The following ADAMTSL1 variants were observed in gnomAD, a reference collection of about 807,000 sequenced individuals.
The protein encoded by ADAMTSL1 is ADAMTS like 1, also known as ADAMTS-like protein 1.
A neutral mutation model predicts 201.8 loss-of-function variants in ADAMTSL1; 126 were observed. The observed-to-expected ratio is 0.62, with a 90% CI of 0.54 to 0.72. The LOEUF is 0.72. Ranked by LOEUF, ADAMTSL1 falls within the 30% of genes least tolerant of loss-of-function variation. ADAMTSL1 has a pLI of 0.00. For missense variants in ADAMTSL1, 2,679 were observed against 2,277.8 expected, an observed-to-expected ratio of 1.18 and a Z score of -3.59; for synonymous variants, 1,121 against 903.4, an observed-to-expected ratio of 1.24 and a Z score of -4.32.
At chr9:18,241,102 T>A (rs1831044579) in intron 2 of ADAMTSL1, among the ~76,000 whole-genome samples, 1 of 152,182 alleles carries the variant, frequency 6.6e-6, no homozygotes, top group South Asian at 2.1e-4. Flanking sequence ...CATTTTTAAT[T>A]TCCTTCAAGA....
At chr9:17,934,525 T>C (rs1826923645) in intron 1 of ADAMTSL1, among the ~76,000 whole-genome samples, 1 of 152,182 alleles carries the variant, frequency 6.6e-6, no homozygotes, top group African/African-American at 2.4e-5. Flanking sequence ...TTTTGATTCA[T>C]GACCACTGTC....
intron 4 of ADAMTSL1, among the ~76,000 whole-genome samples, chr9:18,581,204 C>T (rs911932031): frequency 6.6e-6 from 1 of 152,082 alleles, no homozygotes; most frequent in African/African-American, 2.4e-5. Flanking sequence ...TAATCTCTGC[C>T]TCTGTTATCA....
chr9:18,640,343 T>A (rs995863134), intron 7 of ADAMTSL1, among the ~76,000 whole-genome samples: 1 of 152,148 alleles, frequency 6.6e-6, no homozygotes, highest in Non-Finnish European at 1.5e-5. Context: ...AGTTAAATGA[T>A]TTCTGTTAAG....
chr9:18,224,175 C>T (rs533765909), intron 2 of ADAMTSL1, among the ~76,000 whole-genome samples: 17 of 152,174 alleles, frequency 1.1e-4, no homozygotes, highest in African/African-American at 3.6e-4. Flanking sequence ...TAAGAGAATA[C>T]CACAAATGGA....
At chr9:18,890,241 C>T (rs764639309) in intron 25 of ADAMTSL1, among the ~76,000 whole-genome samples, 3 of 152,216 alleles carry the variant, frequency 2.0e-5, no homozygotes, top group Non-Finnish European at 2.9e-5. Context: ...CAAAGGCTTG[C>T]GTCTCACTAA....
At chr9:17,977,480 TG>T (rs1226713766) in intron 1 of ADAMTSL1, among the ~76,000 whole-genome samples, 1 of 152,148 alleles carries the variant, frequency 6.6e-6, no homozygotes. Context: ...TACTCATTAT[TG>T]GTTTGTTCAG....
rs181356928 is a variant in ADAMTSL1, at chr9:18,513,738, C to G, written c.191+8782C>G. 1.1e-4 allele frequency among the ~76,000 whole-genome samples: 16 copies of G among 152,256 alleles called. 1 individual carries two copies. In the East Asian group the frequency reaches 2.1e-3, roughly 20 times the overall value. ...TATCCAGTTTTCCCAGCACCTTTCC[C>G]CATTGTGTATTCTTGGAACCTTTGT... On this transcript the variant is annotated intron_variant, in intron 2 of 28. Coordinates refer to ENST00000380548, the MANE Select transcript of ADAMTSL1 (RefSeq NM_001040272.6).
At chr9:18,397,591 C>A (rs1429739863) in intron 2 of ADAMTSL1, among the ~76,000 whole-genome samples, 2 of 152,044 alleles carry the variant, frequency 1.3e-5, no homozygotes, top group Non-Finnish European at 2.9e-5. Flanking sequence ...AAACTTCTCC[C>A]CTGATTATTT....
intron 2 of ADAMTSL1, among the ~76,000 whole-genome samples, chr9:18,359,803 G>C (rs1410489342): frequency 7.2e-6 from 1 of 138,340 alleles, no homozygotes; most frequent in Non-Finnish European, 1.5e-5. Flanking sequence ...CATTCAGCAG[G>C]GTTAATGCCC....
intron 2 of ADAMTSL1, among the ~76,000 whole-genome samples, chr9:18,334,987 C>G (rs1474476414): frequency 6.6e-6 from 1 of 151,998 alleles, no homozygotes; most frequent in Non-Finnish European, 1.5e-5. Context: ...ATCATATAAA[C>G]TTGAAGAATT....
At chr9:18,725,068 G>A (rs1203524571) in intron 15 of ADAMTSL1, among the ~76,000 whole-genome samples, 1 of 152,036 alleles carries the variant, frequency 6.6e-6, no homozygotes, top group Non-Finnish European at 1.5e-5. Context: ...CACCACGCCT[G>A]GCTAATATTT....
At chr9:18,705,198 T>A (rs1020551604) in intron 13 of ADAMTSL1, among the ~76,000 whole-genome samples, 1 of 152,190 alleles carries the variant, frequency 6.6e-6, no homozygotes, top group South Asian at 2.1e-4. Flanking sequence ...GCTATAACCT[T>A]CTTATCAGTT....
chr9:18,104,661 G>A (rs1400076653), intron 1 of ADAMTSL1, among the ~76,000 whole-genome samples: 3 of 152,056 alleles, frequency 2.0e-5, no homozygotes, highest in Admixed American at 6.5e-5. Flanking sequence ...TCAGGTGATG[G>A]GCGCACTAAA....
At chr9:18,244,741 C>G (rs533389646) in intron 2 of ADAMTSL1, among the ~76,000 whole-genome samples, 7 of 152,258 alleles carry the variant, frequency 4.6e-5, no homozygotes, top group African/African-American at 1.7e-4. Context: ...ATGCTGTGCA[C>G]AAACTAGGTC....
intron 2 of ADAMTSL1, among the ~76,000 whole-genome samples, chr9:18,411,174 ATTTATTTATTTATTTATTTATT>A (rs1818426815): frequency 6.8e-6 from 1 of 146,822 alleles, no homozygotes; most frequent in South Asian, 2.1e-4. Flanking sequence ...TTATTTATTT[ATTTATTTATTTATTTATTTATT>A]TTTATTTATT....
At chr9:18,076,082 G>T (rs1823211601) in intron 1 of ADAMTSL1, among the ~76,000 whole-genome samples, 1 of 152,126 alleles carries the variant, frequency 6.6e-6, no homozygotes, top group African/African-American at 2.4e-5. Context: ...TTCCTGTTTG[G>T]TTTCTCTAAA....
At chr9:18,072,009 C>T (rs115592629) in intron 1 of ADAMTSL1, among the ~76,000 whole-genome samples, 1 of 152,280 alleles carries the variant, frequency 6.6e-6, no homozygotes, top group Non-Finnish European at 1.5e-5. Flanking sequence ...GTGCCAGAAC[C>T]TTTCTAAGGC....
chr9:18,852,657 G>A (rs183286129), intron 23 of ADAMTSL1, among the ~76,000 whole-genome samples: 10 of 152,226 alleles, frequency 6.6e-5, no homozygotes, highest in Admixed American at 2.6e-4. Context: ...AAGGACTTTC[G>A]CCTACTAAGG....
intron 5 of ADAMTSL1, among the ~76,000 whole-genome samples, chr9:18,625,366 A>T (rs1826299957): frequency 6.6e-6 from 1 of 152,116 alleles, no homozygotes; most frequent in African/African-American, 2.4e-5. Flanking sequence ...TGCCAGAAGG[A>T]TAAAGAGAAG....
Sources: gnomAD v4.1 joint callset for allele counts (sites outside exome capture counted in the v4.1 genomes callset) on GRCh38, gnomAD v4.1.1 for gene constraint, MANE v1.5 for transcripts, NCBI Gene and HGNC (gene_info 2026-07-23, HGNC 2026-07-21) for gene names.